PRAG1: variants seen among roughly 807,000 people sequenced by gnomAD.
PRAG1 encodes the protein inactive tyrosine-protein kinase PRAG1.
A neutral mutation model predicts 95.6 loss-of-function variants in PRAG1; 110 were observed. The ratio of observed to expected loss-of-function variants is 1.15; its 90% confidence interval spans 0.99 to 1.35. The LOEUF (loss-of-function observed/expected upper bound fraction) is 1.35, where lower values mean the gene tolerates loss of function less well. Among genes scored for constraint, PRAG1 ranks in the 40% most tolerant of loss-of-function variants. The pLI, the probability that PRAG1 is intolerant of heterozygous loss-of-function variation, is 0.00. For missense variants in PRAG1, 2,554 were observed against 1,864.7 expected, an observed-to-expected ratio of 1.37 and a Z score of -6.81; for synonymous variants, 1,052 against 819.4, an observed-to-expected ratio of 1.28 and a Z score of -4.85.
chr8:8,345,092 T>TGTGTGTGTGTGTGTGTGTG (rs1491425198), intron 3 of PRAG1, among the ~76,000 whole-genome samples: 5 of 124,924 alleles, frequency 4.0e-5, no homozygotes, highest in Admixed American at 8.2e-5. Context: ...TGTGTGTGTG[T>TGTGTGTGTGTGTGTGTGTG]TAGGGAGGAA....
At chr8:8,382,685 C>T (rs1011190726) in intron 1 of PRAG1, among the ~76,000 whole-genome samples, 3 of 152,172 alleles carry the variant, frequency 2.0e-5, no homozygotes, top group African/African-American at 7.2e-5. Context: ...TAGAGTAAAA[C>T]TGCAAGTAAC....
At chr8:8,333,273 T>C (rs2980496) in intron 4 of PRAG1, among the ~76,000 whole-genome samples, 32,147 of 152,148 alleles carry the variant, frequency 0.21, 3,774 homozygotes, top group African/African-American at 0.32. Context: ...GCTCCAAACC[T>C]CAGGTCCTAA....
At chr8:8,351,720 G>A (rs766043741) in intron 3 of PRAG1, among the ~76,000 whole-genome samples, 4 of 152,044 alleles carry the variant, frequency 2.6e-5, no homozygotes, top group African/African-American at 4.8e-5. Context: ...CTATCACTTC[G>A]CTTTCAGTAT....
chr8:8,323,259 C>G (rs1343653803), intron 5 of PRAG1, among the ~76,000 whole-genome samples: 2 of 151,680 alleles, frequency 1.3e-5, no homozygotes, highest in Non-Finnish European at 1.5e-5. Flanking sequence ...GTGATGTTCT[C>G]ATGATAGTGA....
chr8:8,318,219 G>A lies in PRAG1; in HGVS notation c.4156C>T (p.Gln1386Ter). ...CCGGGCTCCGCAGACGCCAGGTACT[G>A]GCAGCAAAGCCAGTCCTCCAGCTCC... Reference protein sequence around the residue: ...GVELEDWLCCQYLASAEPGAL... With the variant: ...GVELEDWLCC Residue 1386 changes from glutamine to a stop codon, truncating the protein, a stop_gained, in exon 6 of 6, where the codon CAG (glutamine) becomes TAG (stop). Transcript: ENST00000615670. LOFTEE classifies it high-confidence loss of function. The surrounding 1 kb of genome is among the most constrained non-coding windows in gnomAD (Gnocchi z 4.2). 1 of 1,614,158 alleles carries A rather than the reference G, an allele frequency of 6.2e-7. No individual in the cohort carries two copies. Among genetic ancestry groups the A allele is most frequent in the Middle Eastern group, 1.6e-4 (1 of 6,062 alleles).
intron 2 of PRAG1, among the ~76,000 whole-genome samples, chr8:8,381,039 T>A (rs1043140748): frequency 3.3e-5 from 5 of 152,128 alleles, no homozygotes; most frequent in African/African-American, 1.2e-4. Flanking sequence ...TGATGGTTGC[T>A]GAAGTTCATA....
intron 3 of PRAG1, among the ~76,000 whole-genome samples, chr8:8,374,425 G>C (rs902663024): frequency 1.3e-5 from 2 of 152,194 alleles, no homozygotes; most frequent in Non-Finnish European, 1.5e-5. Context: ...CATGCTCCTT[G>C]ATGTCCTGTA....
At chr8:8,373,851 C>G (rs556874840) in intron 3 of PRAG1, among the ~76,000 whole-genome samples, 2 of 152,302 alleles carry the variant, frequency 1.3e-5, no homozygotes, top group South Asian at 4.1e-4. Context: ...TATATGCAAT[C>G]TAAGGGTTTT....
intron 3 of PRAG1, among the ~76,000 whole-genome samples, chr8:8,366,369 A>C (rs915748786): frequency 3.4e-5 from 5 of 148,748 alleles, no homozygotes; most frequent in African/African-American, 1.2e-4. Flanking sequence ...GCTAGAGTGC[A>C]ATGGCATGAT....
Position 8,381,767 on chromosome 8 carries a change from G to T in PRAG1, c.-20C>A. 6.5e-7 allele frequency: 1 copy of T among 1,546,398 alleles called. No individual in the cohort carries two copies. Among genetic ancestry groups the T allele is most frequent in the Non-Finnish European group, 8.8e-7 (1 of 1,142,344 alleles). On this transcript the variant is annotated 5_prime_UTR_variant, in exon 2 of 6. Transcript: ENST00000615670. ...GTGCATCTTGAGCCGACAGGGTGCT[G>T]GTTCATCTTGCGCCCGGCTCTCTGG...
At chr8:8,379,890 T>C (rs1372088030) in intron 2 of PRAG1, among the ~76,000 whole-genome samples, 1 of 152,142 alleles carries the variant, frequency 6.6e-6, no homozygotes, top group African/African-American at 2.4e-5. Context: ...AGCTTCAAAA[T>C]TGGAAACAGG....
rs192837011 is a variant in PRAG1 at position 8,326,459 on chromosome 8, A to G, written c.3072+1251T>C. Among the ~76,000 whole-genome samples, 520 of 152,278 alleles carry G rather than the reference A, an allele frequency of 3.4e-3. 4 individuals carry two copies. Among genetic ancestry groups the G allele is most frequent in the African/African-American group, 0.012 (489 of 41,546 alleles). On this transcript the variant is annotated intron_variant, in intron 5 of 5. Transcript: ENST00000615670. The stretch of plus-strand genomic sequence containing the variant: ...CTCAGGGTCTCCCTCCTGACTCCCA[A>G]TAAAAGCCCACATTTATAGAAGGGC...
chr8:8,354,936 A>T (rs2116876087), intron 3 of PRAG1, among the ~76,000 whole-genome samples: 1 of 152,312 alleles, frequency 6.6e-6, no homozygotes, highest in African/African-American at 2.4e-5. Context: ...GCAATCAGAC[A>T]AGAAAAAGAA....
intron 5 of PRAG1, among the ~76,000 whole-genome samples, chr8:8,324,622 A>T (rs979220303): frequency 6.6e-6 from 1 of 152,022 alleles, no homozygotes; most frequent in South Asian, 2.1e-4. Context: ...CTGCACTCGG[A>T]TTTTTAGCTC....
chr8:8,386,327 G>T lies in PRAG1; in HGVS notation c.-94C>A, dbSNP rs1205524869. ...GAGCGCGTCGCGGGCTCACCTCTGGGCTGCGCTCCCCCGGCCCCTCCGTCG... is the reference window on the plus strand; with the variant it reads ...GAGCGCGTCGCGGGCTCACCTCTGGTCTGCGCTCCCCCGGCCCCTCCGTCG... On this transcript the variant is annotated 5_prime_UTR_variant, in exon 1 of 6. Transcript: ENST00000615670. 6.6e-6 allele frequency: 1 copy of T among 152,320 alleles called. No homozygotes were observed. Among genetic ancestry groups the T allele is most frequent in the Non-Finnish European group, 1.5e-5 (1 of 68,164 alleles). 9.4% of individuals were successfully genotyped at this position (152,320 alleles called of 1,614,324 possible).
In PRAG1 at chr8:8,319,066, G is replaced by A. The variant is rs980425620; in HGVS notation, c.3309C>T (p.Phe1103=). Reference sequence around the variant, plus strand: ...GGTGGCTGGCCGCCGAGTCCCGCACGAAGTCGGAGGCGGTCTGATGTGGCA... The same window carrying A: ...GGTGGCTGGCCGCCGAGTCCCGCACAAAGTCGGAGGCGGTCTGATGTGGCA... ...REVPHQTASD[F]VRDSAASHQA... Residue 1103 remains phenylalanine, a synonymous_variant, in exon 6 of 6, where the codon TTC becomes TTT. Coordinates refer to ENST00000615670, the MANE Select transcript of PRAG1 (RefSeq NM_001080826.3). 2.5e-6 allele frequency: 4 copies of A among 1,611,782 alleles called. No homozygotes were observed. The highest frequency in any genetic ancestry group is 2.5e-6 in the Non-Finnish European group (3 of 1,179,780).
At chr8:8,334,043 T>C (rs559217949) in intron 4 of PRAG1, among the ~76,000 whole-genome samples, 5 of 152,358 alleles carry the variant, frequency 3.3e-5, no homozygotes, top group Non-Finnish European at 5.9e-5. Context: ...GAGGGATGCT[T>C]TGGCTTCACA....
At position 8,377,452 on chromosome 8, in the gene PRAG1, G is replaced by C. The variant is rs760810719; in HGVS notation, c.957C>G (p.His319Gln). 6.4e-7 allele frequency: 1 copy of C among 1,552,200 alleles called. No homozygotes were observed. Among genetic ancestry groups the C allele is most frequent in the Non-Finnish European group, 8.7e-7 (1 of 1,150,224 alleles). ...GTTTCTTGGGGCCCAGGCAGGATGGGTGGGCAGTGGGGCCCTGGCTACAGC... is the reference window on the plus strand; with the variant it reads ...GTTTCTTGGGGCCCAGGCAGGATGGCTGGGCAGTGGGGCCCTGGCTACAGC... ...KECCSQGPTAHPSCLGPKKLS... is the reference protein window; with the variant it reads ...KECCSQGPTAQPSCLGPKKLS... The change falls in exon 3 of 6, where the codon CAC becomes CAG. Residue 319 changes from histidine (H) to glutamine (Q), a missense_variant. Transcript: ENST00000615670.
intron 5 of PRAG1, among the ~76,000 whole-genome samples, chr8:8,322,954 C>T (rs192793719): frequency 2.0e-5 from 3 of 152,300 alleles, no homozygotes; most frequent in East Asian, 3.9e-4. Context: ...CTCCTGAGGG[C>T]TGTGTCATGG....
Sources: gnomAD v4.1 joint callset for allele counts (sites outside exome capture counted in the v4.1 genomes callset) on GRCh38, gnomAD v4.1.1 for gene constraint, Gnocchi (gnomAD v3.1) non-coding constraint, MANE v1.5 for transcripts, NCBI Gene and HGNC (gene_info 2026-07-23, HGNC 2026-07-21) for gene names.